The following KIDINS220 variants were observed in gnomAD, a reference collection of about 807,000 sequenced individuals.
KIDINS220 encodes kinase D-interacting substrate of 220 kDa.
KIDINS220 carries 63 observed loss-of-function variants against 157.6 expected under a neutral mutation model. The ratio of observed to expected loss-of-function variants is 0.40; its 90% confidence interval spans 0.33 to 0.49. The LOEUF (loss-of-function observed/expected upper bound fraction) is 0.49, where lower values mean the gene tolerates loss of function less well. KIDINS220 is among the 20% of genes least tolerant of loss of function. The pLI is 0.66. For synonymous variants in KIDINS220, 732 were observed against 783.6 expected, an observed-to-expected ratio of 0.93 and a Z score of 1.10; for missense variants, 1,772 against 2,171.2, an observed-to-expected ratio of 0.82 and a Z score of 3.65.
chr2:8,774,295 C>CAA (rs547340055), intron 21 of KIDINS220, among the ~76,000 whole-genome samples: 2 of 56,734 alleles, frequency 3.5e-5, no homozygotes, highest in African/African-American at 6.9e-5. Context: ...GACTCTGTCT[C>CAA]AAAAAAAAAA....
intron 6 of KIDINS220, among the ~76,000 whole-genome samples, chr2:8,808,109 G>A (rs1304230902): frequency 6.6e-6 from 1 of 151,664 alleles, no homozygotes; most frequent in East Asian, 1.9e-4. Flanking sequence ...GGGTAACAGA[G>A]CAAGACTCTG....
Position 8,778,822 on chromosome 2 carries a change from T to C in KIDINS220, c.2614+74A>G, listed in dbSNP as rs1671315228. On this transcript the variant is annotated intron_variant, in intron 19 of 29. Coordinates refer to ENST00000256707, the MANE Select transcript of KIDINS220 (RefSeq NM_020738.4). The stretch of plus-strand genomic sequence containing the variant: ...GAAACAACAACAATATTTTTCAAGG[T>C]AAAAAGGAGAGTCGCCATAAAGAAA... 3.8e-6 allele frequency: 6 copies of C among 1,598,822 alleles called. No homozygotes were observed. In the South Asian group the frequency reaches 6.7e-5, roughly 18 times the overall value.
At chr2:8,733,772 T>C (rs2147957913) in intron 28 of KIDINS220, 92 bp from the exon 29 acceptor site, 1 of 825,882 alleles carries the variant, frequency 1.2e-6, no homozygotes, top group Non-Finnish European at 1.8e-6. Context: ...TATAAAGCTA[T>C]TGCAACAGCA....
downstream of KIDINS220, chr2:8,727,312 G>A (rs1432628457): frequency 9.9e-7 from 1 of 1,005,788 alleles, no homozygotes; most frequent in Admixed American, 5.0e-5. Context: ...GCTCAGTCTG[G>A]AGTGCTGGCC....
At chr2:8,782,800 A>C (rs1265592792) in intron 17 of KIDINS220, among the ~76,000 whole-genome samples, 1 of 152,242 alleles carries the variant, frequency 6.6e-6, no homozygotes, top group Non-Finnish European at 1.5e-5. Flanking sequence ...AATCATATGC[A>C]AAATGTATAA....
Position 8,734,656 on chromosome 2 carries a change from G to T in KIDINS220, c.3815C>A (p.Thr1272Lys), listed in dbSNP as rs769218789. Residue 1272 changes from threonine (T) to lysine (K), a missense_variant and splice_region_variant, in exon 28 of 30, where the codon ACA becomes AAA. This residue lies in a region of KIDINS220 where 793 missense variants were observed against 885.5 expected (regional missense o/e 0.90). Coordinates refer to ENST00000256707, the MANE Select transcript of KIDINS220 (RefSeq NM_020738.4). ...NFGDWHLFRS[T>K]VLEMRNAESH... is the part of the protein sequence containing the mutation. ...ATCACAATGTTACAAATATCTTACTGTGCTTCTGAAAAGGTGCCAGTCTCC... is the reference window on the plus strand; with the variant it reads ...ATCACAATGTTACAAATATCTTACTTTGCTTCTGAAAAGGTGCCAGTCTCC... 24 of 1,580,622 alleles carry T rather than the reference G, an allele frequency of 1.5e-5. No individual in the cohort carries two copies. The highest frequency in any genetic ancestry group is 2.0e-5 in the Non-Finnish European group (23 of 1,151,230).
At position 8,730,320 on chromosome 2, in the gene KIDINS220, C is replaced by T. The variant is rs1460291381; in HGVS notation, c.*400G>A. 8 of 1,005,040 alleles carry T rather than the reference C, an allele frequency of 8.0e-6. No homozygotes were observed. The highest frequency in any genetic ancestry group is 5.5e-5 in the Admixed American group (1 of 18,180). 62.3% of individuals were successfully genotyped at this position (1,005,040 alleles called of 1,614,324 possible). ...TTTGCTTCTGCTTCACCTAACGCCA[C>T]GTCTTCCCTCAAATGTGTGGTCACC... On this transcript the variant is annotated 3_prime_UTR_variant, in exon 30 of 30. Coordinates refer to ENST00000256707, the MANE Select transcript of KIDINS220 (RefSeq NM_020738.4).
intron 28 of KIDINS220, among the ~76,000 whole-genome samples, chr2:8,733,905 G>T (rs149155233): frequency 0.025 from 3,856 of 152,264 alleles, 62 homozygotes; most frequent in Middle Eastern, 0.075. Flanking sequence ...ATACTACACT[G>T]CAATTTGTCC....
intron 1 of KIDINS220, among the ~76,000 whole-genome samples, chr2:8,833,503 C>A (rs570001224): frequency 1.5e-5 from 2 of 132,816 alleles, no homozygotes; most frequent in Admixed American, 1.6e-4. Context: ...TTTTTAGCTA[C>A]ACCTGCTGGA....
intron 26 of KIDINS220, among the ~76,000 whole-genome samples, chr2:8,745,973 G>C (rs1666496923): frequency 6.7e-6 from 1 of 149,916 alleles, no homozygotes; most frequent in East Asian, 1.9e-4. Context: ...AACAACCAAA[G>C]TTAAAATACA....
At chr2:8,762,109 AT>A (rs1572545049) in intron 22 of KIDINS220, among the ~76,000 whole-genome samples, 1 of 152,012 alleles carries the variant, frequency 6.6e-6, no homozygotes, top group Non-Finnish European at 1.5e-5. Flanking sequence ...ACAAGTAATA[AT>A]TTTTTTTACA....
intron 6 of KIDINS220, 82 bp downstream of exon 6, chr2:8,812,313 G>T (rs935084951): frequency 8.6e-6 from 5 of 583,150 alleles, no homozygotes; most frequent in African/African-American, 7.7e-5. Context: ...GAAGCCTCAT[G>T]AAATCATATA....
chr2:8,758,601 C>G (rs1000951936), intron 22 of KIDINS220, among the ~76,000 whole-genome samples: 3 of 152,016 alleles, frequency 2.0e-5, no homozygotes, highest in African/African-American at 7.3e-5. Flanking sequence ...CTTCTGCTAG[C>G]TTGGAGTTTA....
intron 22 of KIDINS220, among the ~76,000 whole-genome samples, chr2:8,760,565 T>C (rs1028825541): frequency 7.9e-5 from 12 of 152,296 alleles, no homozygotes; most frequent in Admixed American, 6.5e-4. Context: ...ACAAAGAAAG[T>C]TTAAACACCG....
chr2:8,794,150 T>C, intron 11 of KIDINS220, 163 bp from the exon 12 acceptor site: 1 of 488,472 alleles, frequency 2.0e-6, no homozygotes, highest in Admixed American at 3.8e-5. Flanking sequence ...TTCCCCATAA[T>C]ATCCTTCTGT....
intron 17 of KIDINS220, among the ~76,000 whole-genome samples, chr2:8,781,153 A>ATATATATATATTATAT (rs70946383): frequency 1.5e-5 from 2 of 130,410 alleles, no homozygotes; most frequent in African/African-American, 2.8e-5. Flanking sequence ...ATATATATAT[A>ATATATATATATTATAT]ATATATATAT....
chr2:8,781,153 A>ATAT (rs70946383), intron 17 of KIDINS220, among the ~76,000 whole-genome samples: 1 of 130,410 alleles, frequency 7.7e-6, no homozygotes, highest in Admixed American at 7.8e-5. Flanking sequence ...ATATATATAT[A>ATAT]ATATATATAT....
chr2:8,776,553 G>A (rs1401098035), intron 21 of KIDINS220, among the ~76,000 whole-genome samples, 195 bp downstream of exon 21: 7 of 152,070 alleles, frequency 4.6e-5, no homozygotes, highest in Non-Finnish European at 8.8e-5. Context: ...GTATACAGCC[G>A]ACAGTTGATA....
At position 8,761,063 on chromosome 2, in the gene KIDINS220, G is replaced by C. The variant is rs193206559; in HGVS notation, c.3012-9419C>G. ...CAAAGCCTGCTTTTTGGCATCAAGA[G>C]TTTATACTTGATATTTTAAAATGTT... On this transcript the variant is annotated intron_variant, in intron 22 of 29. Coordinates refer to ENST00000256707, the MANE Select transcript of KIDINS220 (RefSeq NM_020738.4). Among the ~76,000 whole-genome samples the C allele has an allele frequency of 3.1e-4, 47 of 152,266 alleles. No individual in the cohort carries two copies. The East Asian group carries it at 7.9e-3, about 26-fold the overall frequency.
Sources: allele counts gnomAD v4.1 joint callset (sites outside exome capture counted in the v4.1 genomes callset), GRCh38; gene constraint gnomAD v4.1.1; regional missense constraint gnomAD v4.1.1; transcripts MANE v1.5; gene names NCBI Gene and HGNC (gene_info 2026-07-23, HGNC 2026-07-21).